RASAL2: variants seen among roughly 807,000 people sequenced by gnomAD.
RASAL2 encodes RAS protein activator like 2.
A neutral mutation model predicts 128.9 loss-of-function variants in RASAL2; 58 were observed. That is an observed-to-expected ratio of 0.45 (90% CI 0.36 to 0.56). The LOEUF is 0.56. Ranked by LOEUF, RASAL2 falls within the 20% of genes least tolerant of loss-of-function variation. RASAL2 has a pLI of 0.00. For missense variants in RASAL2, 1,360 were observed against 1,601.6 expected, an observed-to-expected ratio of 0.85 and a Z score of 2.57; for synonymous variants, 561 against 580.8, an observed-to-expected ratio of 0.97 and a Z score of 0.49.
intron 17 of RASAL2, chr1:178,470,685 A>G: frequency 7.3e-7 from 1 of 1,365,524 alleles, no homozygotes; most frequent in South Asian, 1.1e-5. Flanking sequence ...CGCTGTGTTA[A>G]ATTACAGGTC....
intron 1 of RASAL2, among the ~76,000 whole-genome samples, chr1:178,190,538 A>T (rs1182321949): frequency 6.6e-6 from 1 of 152,164 alleles, no homozygotes; most frequent in African/African-American, 2.4e-5. Context: ...TTGAAATCTA[A>T]AAAGAAAGCT....
At chr1:178,281,207 G>A (rs1666767132) in intron 1 of RASAL2, among the ~76,000 whole-genome samples, 1 of 151,812 alleles carries the variant, frequency 6.6e-6, no homozygotes, top group African/African-American at 2.4e-5. Flanking sequence ...CTATAGGATG[G>A]CTAATAAATC....
At chr1:178,167,624 A>C (rs562469834) in intron 1 of RASAL2, among the ~76,000 whole-genome samples, 1 of 152,222 alleles carries the variant, frequency 6.6e-6, no homozygotes, top group East Asian at 1.9e-4. Flanking sequence ...CCTACGGTTG[A>C]CCCGAAGCCT....
chr1:178,341,449 G>A, intron 3 of RASAL2: 1 of 1,471,148 alleles, frequency 6.8e-7, no homozygotes, highest in Non-Finnish European at 9.0e-7. Flanking sequence ...TGGCTTTTCT[G>A]CATTCCAAAC....
At chr1:178,116,389 G>A (rs1407221944) in intron 1 of RASAL2, among the ~76,000 whole-genome samples, 1 of 152,158 alleles carries the variant, frequency 6.6e-6, no homozygotes, top group African/African-American at 2.4e-5. Context: ...GGTAGTCTAT[G>A]AAAGAGTATA....
chr1:178,193,355 C>G (rs923484153), intron 1 of RASAL2, among the ~76,000 whole-genome samples: 15 of 152,278 alleles, frequency 9.9e-5, no homozygotes, highest in African/African-American at 3.6e-4. Context: ...CCCAACCCTC[C>G]TTTTTCTGAT....
At chr1:178,306,468 G>A (rs1378833945) in intron 3 of RASAL2, among the ~76,000 whole-genome samples, 1 of 152,142 alleles carries the variant, frequency 6.6e-6, no homozygotes, top group Non-Finnish European at 1.5e-5. Flanking sequence ...CTGAGGAATA[G>A]CCACACTGAC....
chr1:178,262,364 G>A (rs541810009), intron 1 of RASAL2, among the ~76,000 whole-genome samples: 1 of 152,300 alleles, frequency 6.6e-6, no homozygotes, highest in South Asian at 2.1e-4. Context: ...TGAACGTCTT[G>A]TTTGTGGACC....
At chr1:178,351,664 G>T (rs1363550408) in intron 3 of RASAL2, among the ~76,000 whole-genome samples, 1 of 150,798 alleles carries the variant, frequency 6.6e-6, no homozygotes, top group African/African-American at 2.5e-5. Context: ...GTGAGGCAGA[G>T]CTTGCAGTGA....
intron 1 of RASAL2, among the ~76,000 whole-genome samples, chr1:178,216,762 C>T (rs972215738): frequency 6.6e-6 from 1 of 151,520 alleles, no homozygotes; most frequent in Non-Finnish European, 1.5e-5. Flanking sequence ...GCCTCAGCCT[C>T]CTGATTAGCT....
rs188915158 is a variant in RASAL2 at position 178,353,521 on chromosome 1, T to C, written c.458-36579T>C. On this transcript the variant is annotated intron_variant, in intron 3 of 17. Coordinates refer to ENST00000367649, the MANE Select transcript of RASAL2 (RefSeq NM_170692.4). ...ACTATCAGTATTTTGGTCACAACCATTTAACCAGTCTCTAGGGAGTTCCAA... is the reference window on the plus strand; with the variant it reads ...ACTATCAGTATTTTGGTCACAACCACTTAACCAGTCTCTAGGGAGTTCCAA... Among the ~76,000 whole-genome samples the C allele has an allele frequency of 4.5e-4, 69 of 152,324 alleles. 1 individual carries two copies. In the Middle Eastern group the frequency reaches 0.017, roughly 38 times the overall value.
intron 1 of RASAL2, among the ~76,000 whole-genome samples, chr1:178,272,077 G>T (rs1666285618): frequency 6.6e-6 from 1 of 152,024 alleles, no homozygotes; most frequent in Non-Finnish European, 1.5e-5. Context: ...CTTTTTTGTA[G>T]TGTTTATCAG....
At chr1:178,397,875 T>C (rs1293894599) in intron 4 of RASAL2, among the ~76,000 whole-genome samples, 1 of 151,884 alleles carries the variant, frequency 6.6e-6, no homozygotes, top group East Asian at 1.9e-4. Context: ...TTTGGTCTTC[T>C]AAAGTGCTGG....
rs181759577 is a variant in RASAL2, at chr1:178,180,846, G to A, written c.202+86152G>A. Among the ~76,000 whole-genome samples the A allele has an allele frequency of 2.6e-4, 40 of 151,056 alleles. 1 individual carries two copies. Among genetic ancestry groups the A allele is most frequent in the Admixed American group, 7.3e-4 (11 of 15,136 alleles). On this transcript the variant is annotated intron_variant, in intron 1 of 17. Transcript: ENST00000367649. Reference sequence around the variant, plus strand: ...AAAAAAAAAACCCACAATTTATTCTGTATACAAATAGCCAAAGACATAATT... The same window carrying A: ...AAAAAAAAAACCCACAATTTATTCTATATACAAATAGCCAAAGACATAATT...
Position 178,138,706 on chromosome 1 carries a change from A to T in RASAL2, c.202+44012A>T, listed in dbSNP as rs138771707. On this transcript the variant is annotated intron_variant, in intron 1 of 17. Transcript: ENST00000367649. ...TTTACTATCAGTCATGTGACAGTAG[A>T]CATGAAGTTATATGAAAATTCTTAA... Among the ~76,000 whole-genome samples, 398 of 152,294 alleles carry T rather than the reference A, an allele frequency of 2.6e-3. 3 individuals carry two copies. In the East Asian group the frequency reaches 0.032, roughly 12 times the overall value.
chr1:178,454,624 G>C lies in RASAL2; in HGVS notation c.2187G>C (p.Trp729Cys), dbSNP rs1228535914. ...TTTCAGTTTTGCATTCCTTACTGTG[G>C]GAAGTAGTTTCCCAACTTGATAAGG... ...RELSVLHSLL[W>C]EVVSQLDKAT... Residue 729 changes from tryptophan (W) to cysteine (C), a missense_variant, in exon 12 of 18, where the codon TGG becomes TGC. By Grantham distance (215) the Trp-to-Cys change is radical (BLOSUM62 -2). Around this residue, in one of 3 missense-constraint regions of RASAL2, gnomAD observed 741 missense variants for 868.6 expected, o/e 0.85. Transcript: ENST00000367649. 2 of 1,613,704 alleles carry C rather than the reference G, an allele frequency of 1.2e-6. No homozygotes were observed. Among genetic ancestry groups the C allele is most frequent in the Non-Finnish European group, 1.7e-6 (2 of 1,179,728 alleles).
At chr1:178,153,287 G>A (rs1239774883) in intron 1 of RASAL2, among the ~76,000 whole-genome samples, 2 of 151,898 alleles carry the variant, frequency 1.3e-5, no homozygotes, top group Non-Finnish European at 2.9e-5. Flanking sequence ...ACATTTTTTG[G>A]TAAGATGACT....
chr1:178,390,034 C>A, intron 3 of RASAL2, 66 bp from the exon 4 acceptor site: 1 of 972,988 alleles, frequency 1.0e-6, no homozygotes, highest in Non-Finnish European at 1.6e-6. Context: ...AGTAACTTTA[C>A]AGTTCAGTGG....
At chr1:178,194,371 C>G in intron 1 of RASAL2, 1 of 225,250 alleles carries the variant, frequency 4.4e-6, no homozygotes. Context: ...ATCCAGCAAA[C>G]CAACTGGATG....
Sources: allele counts gnomAD v4.1 joint callset (sites outside exome capture counted in the v4.1 genomes callset), GRCh38; gene constraint gnomAD v4.1.1; regional missense constraint gnomAD v4.1.1; transcripts MANE v1.5; gene names NCBI Gene and HGNC (gene_info 2026-07-23, HGNC 2026-07-21).